Variants in FAM89A observed in about 807,000 individuals in gnomAD.
FAM89A encodes family with sequence similarity 89 member A.
A neutral mutation model predicts 7.1 loss-of-function variants in FAM89A; 10 were observed. The ratio of observed to expected loss-of-function variants is 1.40; its 90% CI spans 0.86 to 2.38. FAM89A has a LOEUF of 2.38. Ranked by LOEUF, FAM89A falls within the 30% of genes most tolerant of loss-of-function variation. The pLI is 0.00. For synonymous variants in FAM89A, 157 were observed against 129.3 expected, an observed-to-expected ratio of 1.21 and a Z score of -1.45; for missense variants, 276 against 262.8, an observed-to-expected ratio of 1.05 and a Z score of -0.35.
intron 1 of FAM89A, among the ~76,000 whole-genome samples, chr1:231,030,551 T>G: frequency 6.6e-6 from 1 of 152,204 alleles, no homozygotes; most frequent in Non-Finnish European, 1.5e-5. Context: ...AGAAAAGCAA[T>G]TGACCATTTT....
rs1379680288 is a variant in FAM89A, at chr1:231,019,734, G to C, written c.*129C>G. The C allele has an allele frequency of 1.3e-5, 13 of 991,492 alleles. No homozygotes were observed. Among genetic ancestry groups the C allele is most frequent in the Non-Finnish European group, 1.8e-5 (12 of 680,744 alleles). The allele number at this position is 991,492 out of a possible 1,614,324, so 61.4% of individuals were successfully genotyped here. On this transcript the variant is annotated 3_prime_UTR_variant, in exon 2 of 2. Transcript: ENST00000366654. ...GAACTCCCTGCCTACAAATGAAACT[G>C]GTAGCGCTCATCCCCTGTGCCCGAG...
chr1:231,039,787 G>A (rs1387909735), intron 1 of FAM89A, 134 bp downstream of exon 1: 2 of 901,690 alleles, frequency 2.2e-6, no homozygotes, highest in Non-Finnish European at 1.5e-6. Context: ...GGAGGACGGC[G>A]CCGGCGCCTG....
chr1:231,024,860 C>T (rs1472401112), intron 1 of FAM89A, among the ~76,000 whole-genome samples: 1 of 149,100 alleles, frequency 6.7e-6, no homozygotes, highest in Non-Finnish European at 1.5e-5. Flanking sequence ...TTTGCTAAGA[C>T]ACTCAAGAAG....
chr1:231,039,913 C>A lies in FAM89A; in HGVS notation c.291+8G>T. The A allele has an allele frequency of 7.6e-7, 1 of 1,313,486 alleles. No individual in the cohort carries two copies. Among genetic ancestry groups the A allele is most frequent in the Non-Finnish European group, 9.7e-7 (1 of 1,035,390 alleles). The allele number at this position is 1,313,486 out of a possible 1,614,324, so 81.4% of individuals were successfully genotyped here. A position where few individuals can be genotyped will look rare whatever the true frequency, so the allele number is the denominator to read the frequency against. On this transcript the variant is annotated splice_region_variant and intron_variant, in intron 1 of 1. Transcript: ENST00000366654. ...GGGAAGAGCCCCAGCTCGCGGAGCC[C>A]CACTCACCATCTCTTTGCGGAGCAG... is the stretch of plus-strand genomic sequence containing the variant.
At chr1:231,029,916 C>T (rs917896933) in intron 1 of FAM89A, among the ~76,000 whole-genome samples, 3 of 152,134 alleles carry the variant, frequency 2.0e-5, no homozygotes, top group Non-Finnish European at 4.4e-5. Context: ...GAGATCCAAT[C>T]GATTATAACC....
Position 231,019,805 on chromosome 1 carries a change from G to A in FAM89A, c.*58C>T, listed in dbSNP as rs763453689. ...CTTTCTTGCAAGAGAAGCAGCAAAT[G>A]ATGACAGCGTGTCCAGTAGGAAGGG... On this transcript the variant is annotated 3_prime_UTR_variant, in exon 2 of 2. Transcript: ENST00000366654. The A allele has an allele frequency of 3.5e-5, 55 of 1,563,400 alleles. No individual in the cohort carries two copies. The Admixed American group carries it at 9.3e-4, about 26-fold the overall frequency.
intron 1 of FAM89A, 129 bp downstream of exon 1, chr1:231,039,792 C>A (rs905926561): frequency 1.0e-6 from 1 of 952,992 alleles, no homozygotes; most frequent in Non-Finnish European, 1.4e-6. Flanking sequence ...ACGGCGCCGG[C>A]GCCTGGGGCG....
At position 231,037,342 on chromosome 1, in the gene FAM89A, G is replaced by C. The variant is rs1286910703; in HGVS notation, c.291+2579C>G. Among the ~76,000 whole-genome samples, 3 of 152,186 alleles carry C rather than the reference G, an allele frequency of 2.0e-5. No individual in the cohort carries two copies. The East Asian group carries it at 5.8e-4, about 29-fold the overall frequency. On this transcript the variant is annotated intron_variant, in intron 1 of 1. Coordinates refer to ENST00000366654, the MANE Select transcript of FAM89A (RefSeq NM_198552.3). ...GTGATTATTTCTAGGTGCTGGCACTGTAATTTTTAATTTTTTGCTTGGCTA... is the reference window on the plus strand; with the variant it reads ...GTGATTATTTCTAGGTGCTGGCACTCTAATTTTTAATTTTTTGCTTGGCTA...
At chr1:231,033,048 G>A (rs925716504) in intron 1 of FAM89A, among the ~76,000 whole-genome samples, 2 of 152,258 alleles carry the variant, frequency 1.3e-5, no homozygotes, top group Non-Finnish European at 1.5e-5. Context: ...TTCTAAAGTA[G>A]GCTAAAGGTT....
chr1:231,021,490 CT>C, intron 1 of FAM89A: 2 of 640,582 alleles, frequency 3.1e-6, no homozygotes, highest in South Asian at 3.9e-5. Flanking sequence ...GATCCAAATT[CT>C]TTTGCAAGCC....
chr1:231,031,289 G>A (rs947531693), intron 1 of FAM89A, among the ~76,000 whole-genome samples: 10 of 152,068 alleles, frequency 6.6e-5, no homozygotes, highest in Admixed American at 5.9e-4. Context: ...GGAAATGAAG[G>A]AGTATTTCAA....
intron 1 of FAM89A, among the ~76,000 whole-genome samples, chr1:231,027,936 C>G (rs1052815912): frequency 6.6e-6 from 1 of 152,246 alleles, no homozygotes; most frequent in Non-Finnish European, 1.5e-5. Flanking sequence ...TCGGTGTGCA[C>G]ACAGGTCTTC....
rs1679823020 is a variant in FAM89A, at chr1:231,019,095, A to T, written c.*768T>A. 6.6e-6 allele frequency: 1 copy of T among 151,864 alleles called. No individual in the cohort carries two copies. The highest frequency in any genetic ancestry group is 2.4e-5 in the African/African-American group (1 of 41,338). The allele number at this position is 151,864 out of a possible 1,614,324, so 9.4% of individuals were successfully genotyped here. A position where few individuals can be genotyped will look rare whatever the true frequency, so the allele number is the denominator to read the frequency against. On this transcript the variant is annotated 3_prime_UTR_variant, in exon 2 of 2. Coordinates refer to ENST00000366654, the MANE Select transcript of FAM89A (RefSeq NM_198552.3). ...TTTGCTTTCTAGCACACTAGTTTAC[A>T]TTCGGAATCTTAAAAATGAAAACAT...
intron 1 of FAM89A, chr1:231,028,478 C>A (rs1680009935): frequency 6.6e-6 from 1 of 152,042 alleles, no homozygotes; most frequent in Non-Finnish European, 1.5e-5. Flanking sequence ...AAAAGAGTGG[C>A]TGGGGAGCCG....
intron 1 of FAM89A, among the ~76,000 whole-genome samples, chr1:231,033,437 G>A (rs892823874): frequency 2.6e-5 from 4 of 152,340 alleles, no homozygotes; most frequent in Admixed American, 2.6e-4. Flanking sequence ...CTTGGTGGGA[G>A]TGAACTGCAA....
At chr1:231,022,317 C>T (rs1679893389) in intron 1 of FAM89A, 15 of 637,812 alleles carry the variant, frequency 2.4e-5, no homozygotes, top group South Asian at 1.1e-4. Flanking sequence ...TGTTTCCAAC[C>T]CCTTCCTTTT....
At chr1:231,020,831 A>T (rs552927442) in intron 1 of FAM89A, among the ~76,000 whole-genome samples, 2 of 152,334 alleles carry the variant, frequency 1.3e-5, no homozygotes, top group Admixed American at 6.5e-5. Flanking sequence ...AACACAGAAC[A>T]TTTATAAAAG....
intron 1 of FAM89A, among the ~76,000 whole-genome samples, chr1:231,020,520 T>G (rs1469373221): frequency 1.3e-5 from 2 of 152,178 alleles, no homozygotes; most frequent in Non-Finnish European, 2.9e-5. Flanking sequence ...CACATTGGCC[T>G]TCCCTGCTAC....
At chr1:231,039,370 C>T (rs1396143163) in intron 1 of FAM89A, among the ~76,000 whole-genome samples, 1 of 152,238 alleles carries the variant, frequency 6.6e-6, no homozygotes, top group East Asian at 1.9e-4. Flanking sequence ...CGTCTGCTTT[C>T]GCAGCCATCT....
Sources: gnomAD v4.1 joint callset for allele counts (sites outside exome capture counted in the v4.1 genomes callset) on GRCh38, gnomAD v4.1.1 for gene constraint, MANE v1.5 for transcripts, NCBI Gene and HGNC (gene_info 2026-07-23, HGNC 2026-07-21) for gene names.